The following KNL1 variants were observed in gnomAD, a reference collection of about 807,000 sequenced individuals.
KNL1 encodes kinetochore scaffold 1, also known as outer kinetochore KNL1 complex subunit KNL1.
A neutral mutation model predicts 201.3 loss-of-function variants in KNL1; 66 were observed. That is an observed-to-expected ratio of 0.33 (90% confidence interval 0.27 to 0.40). The LOEUF is 0.40. Ranked by LOEUF, KNL1 falls within the 10% of genes least tolerant of loss-of-function variation. The pLI is 1.00. For missense variants in KNL1, 2,815 were observed against 2,690.5 expected, an observed-to-expected ratio of 1.05 and a Z score of -1.02; for synonymous variants, 895 against 899.2, an observed-to-expected ratio of 1.00 and a Z score of 0.08.
chr15:40,629,032 CA>C (rs1166993884), intron 12 of KNL1, among the ~76,000 whole-genome samples: 1 of 151,180 alleles, frequency 6.6e-6, no homozygotes, highest in Non-Finnish European at 1.5e-5. Context: ...GGTCTTGTCT[CA>C]AAAAAAGAGA....
Position 40,625,510 on chromosome 15 carries a change from A to G in KNL1, c.5246A>G (p.Tyr1749Cys), listed in dbSNP as rs991630617. ...ACATACCAAAAAGAGATTTCACCAT[A>G]TGAAAATAAAATGGGAAAAACTTGC... Reference protein sequence around the residue: ...IETYQKEISPYENKMGKTCNS... With the variant: ...IETYQKEISPCENKMGKTCNS... Residue 1749 changes from tyrosine (Y) to cysteine (C), a missense_variant, in exon 10 of 26, where the codon TAT becomes TGT. Physicochemically the swap from Tyr to Cys is radical, Grantham distance 194. This residue lies in a region of KNL1 where 2,464 missense variants were observed against 2,291.7 expected (regional missense o/e 1.08). Transcript: ENST00000399668. 1.2e-6 allele frequency: 2 copies of G among 1,612,408 alleles called. No homozygotes were observed. Among genetic ancestry groups the G allele is most frequent in the Admixed American group, 3.4e-5 (2 of 59,492 alleles).
intron 8 of KNL1, among the ~76,000 whole-genome samples, chr15:40,616,402 T>C: frequency 6.6e-6 from 1 of 151,982 alleles, no homozygotes. Flanking sequence ...GCTGGGATTA[T>C]AGGTATGAGC....
chr15:40,606,544 T>A, intron 4 of KNL1, 92 bp downstream of exon 4: 1 of 727,364 alleles, frequency 1.4e-6, no homozygotes, highest in Non-Finnish European at 2.5e-6. Flanking sequence ...AGGAAATGTG[T>A]AAGCATCCCA....
chr15:40,625,648 C>T lies in KNL1; in HGVS notation c.5376+8C>T. ...ACGACACAAGATCGGGAGGTGAGCT[C>T]TGTCTTGAACCAAAGAATGTTCTTG... is the stretch of plus-strand genomic sequence containing the variant. On this transcript the variant is annotated splice_region_variant and intron_variant, in intron 10 of 25. Transcript: ENST00000399668. 1.9e-6 allele frequency: 3 copies of T among 1,598,466 alleles called. No homozygotes were observed. The highest frequency in any genetic ancestry group is 1.7e-6 in the Non-Finnish European group (2 of 1,172,044).
At chr15:40,596,179 G>T (rs1891613843) in intron 1 of KNL1, among the ~76,000 whole-genome samples, 1 of 152,184 alleles carries the variant, frequency 6.6e-6, no homozygotes, top group Non-Finnish European at 1.5e-5. Flanking sequence ...GAGTACAGTG[G>T]TTGGGTCCAA....
chr15:40,619,200 A>T (rs1892436978), intron 9 of KNL1, among the ~76,000 whole-genome samples, 189 bp downstream of exon 9: 1 of 152,010 alleles, frequency 6.6e-6, no homozygotes, highest in Non-Finnish European at 1.5e-5. Flanking sequence ...GTAATGGGAG[A>T]TACAGTATAC....
At chr15:40,604,239 T>C (rs547478387) in intron 2 of KNL1, among the ~76,000 whole-genome samples, 1 of 64,954 alleles carries the variant, frequency 1.5e-5, no homozygotes, top group Non-Finnish European at 4.5e-5. Flanking sequence ...ACCAGGAAAA[T>C]TGAGAACCTA....
intron 13 of KNL1, among the ~76,000 whole-genome samples, chr15:40,634,672 A>G (rs1277700262): frequency 1.3e-5 from 2 of 152,118 alleles, no homozygotes; most frequent in South Asian, 4.1e-4. Context: ...GTGTGCATCC[A>G]GGGGCTGATA....
chr15:40,605,758 T>G (rs1891951802), intron 3 of KNL1, among the ~76,000 whole-genome samples: 1 of 152,168 alleles, frequency 6.6e-6, no homozygotes, highest in South Asian at 2.1e-4. Flanking sequence ...CCCAAACTGC[T>G]TTAAGCACAA....
At position 40,606,422 on chromosome 15, in the gene KNL1, G is replaced by A. The variant is rs774337115; in HGVS notation, c.105G>A (p.Gln35=). 1 of 1,581,030 alleles carries A rather than the reference G, an allele frequency of 6.3e-7. No homozygotes were observed. ...TGAAACCCCCAAGGAGTCCTCTTCA[G>A]GACCTCAGAGGTGGGAATGAAAGAG... The part of the protein sequence containing the change: ...SILKPPRSPL[Q]DLRGGNERVQ... Residue 35 remains glutamine, a synonymous_variant, in exon 4 of 26, where the codon CAG becomes CAA. Transcript: ENST00000399668.
intron 8 of KNL1, among the ~76,000 whole-genome samples, chr15:40,617,963 T>C (rs980585163): frequency 7.9e-5 from 3 of 38,120 alleles, no homozygotes; most frequent in Non-Finnish European, 1.4e-4. Flanking sequence ...GAAATATAAA[T>C]AAGGCTTTTA....
At chr15:40,658,561 C>CAAAAAAAAAAAAAAAAAAAAA (rs35180053) in intron 24 of KNL1, among the ~76,000 whole-genome samples, 1 of 74,168 alleles carries the variant, frequency 1.3e-5, no homozygotes, top group Non-Finnish European at 2.4e-5. Context: ...GAATCTGTCT[C>CAAAAAAAAAAAAAAAAAAAAA]AAAAAAAAAA....
intron 1 of KNL1, among the ~76,000 whole-genome samples, chr15:40,596,466 C>A (rs1464636443): frequency 6.6e-6 from 1 of 151,892 alleles, no homozygotes; most frequent in African/African-American, 2.4e-5. Flanking sequence ...TAAGTAGACA[C>A]GGGGTTTCAC....
chr15:40,629,350 A>G lies in KNL1; in HGVS notation c.5661A>G (p.Arg1887=), dbSNP rs199674653. 1.2e-5 allele frequency: 20 copies of G among 1,605,158 alleles called. No individual in the cohort carries two copies. Among genetic ancestry groups the G allele is most frequent in the Non-Finnish European group, 1.7e-5 (20 of 1,177,782 alleles). Residue 1887 remains arginine, a synonymous_variant, in exon 13 of 26, where the codon CGA becomes CGG. Transcript: ENST00000399668. ...TCCACATCTTGATACAGAAACCCCG[A>G]CAGAGCAATCTCCCAGGCAATGTAA... ...LQVHILIQKP[R]QSNLPGNFTV...
chr15:40,613,775 T>G (rs1892249011), intron 7 of KNL1, among the ~76,000 whole-genome samples: 1 of 151,410 alleles, frequency 6.6e-6, no homozygotes, highest in Non-Finnish European at 1.5e-5. Flanking sequence ...CCTGGCTAAT[T>G]TATTTTATTT....
At chr15:40,597,493 T>C (rs1337701326) in intron 1 of KNL1, among the ~76,000 whole-genome samples, 1 of 152,210 alleles carries the variant, frequency 6.6e-6, no homozygotes. Context: ...CAGGCTGGTC[T>C]TGAACTCCTG....
Position 40,640,925 on chromosome 15 carries a change from C to G in KNL1, c.5696C>G (p.Thr1899Arg). The G allele has an allele frequency of 1.2e-6, 2 of 1,610,058 alleles. No individual in the cohort carries two copies. The highest frequency in any genetic ancestry group is 1.7e-5 in the Admixed American group (1 of 59,834). ...TTTTTTTTCCAGTTTACTGTAAACA[C>G]ACCACCTACTCCAGAAGACCTGATG... The part of the protein sequence containing the change: ...SNLPGNFTVN[T>R]PPTPEDLMLS... Residue 1899 changes from threonine (T) to arginine (R), a missense_variant, in exon 14 of 26, where the codon ACA becomes AGA. Thr to Arg is a moderately conservative substitution (Grantham distance 71). Coordinates refer to ENST00000399668, the MANE Select transcript of KNL1 (RefSeq NM_144508.5).
chr15:40,629,209 G>A (rs1015422959), intron 12 of KNL1, 64 bp from the exon 13 acceptor site: 20 of 867,472 alleles, frequency 2.3e-5, no homozygotes, highest in Non-Finnish European at 3.5e-5. Context: ...AGAAACAAAT[G>A]AAGTGGTTAT....
chr15:40,640,917 T>C lies in KNL1; in HGVS notation c.5688T>C (p.Thr1896=). 2 of 1,606,856 alleles carry C rather than the reference T, an allele frequency of 1.2e-6. No individual in the cohort carries two copies. Among genetic ancestry groups the C allele is most frequent in the Non-Finnish European group, 1.7e-6 (2 of 1,174,528 alleles). The change falls in exon 14 of 26, where the codon ACT becomes ACC. Residue 1896 remains threonine, a synonymous_variant. Transcript: ENST00000399668. ...PRQSNLPGNF[T]VNTPPTPEDL... ...GACTGAATTTTTTTTTCCAGTTTAC[T>C]GTAAACACACCACCTACTCCAGAAG...
Sources: gnomAD v4.1 joint callset for allele counts (sites outside exome capture counted in the v4.1 genomes callset) on GRCh38, gnomAD v4.1.1 for gene constraint, gnomAD v4.1.1 regional missense constraint, MANE v1.5 for transcripts, NCBI Gene and HGNC (gene_info 2026-07-23, HGNC 2026-07-21) for gene names.